Variants in CACNA1A observed in about 807,000 individuals in gnomAD.
CACNA1A encodes the protein voltage-dependent P/Q-type calcium channel subunit alpha-1A.
CACNA1A carries 57 observed loss-of-function variants against 262.4 expected under a neutral mutation model. The ratio of observed to expected loss-of-function variants is 0.22; its 90% CI spans 0.18 to 0.27. The LOEUF is 0.27. CACNA1A is among the 10% of genes least tolerant of loss of function. CACNA1A has a pLI of 1.00. For missense variants in CACNA1A, 2,526 were observed against 3,562.8 expected (o/e 0.71, Z 7.41); for synonymous variants, 1,431 against 1,419.3 (o/e 1.01, Z -0.18).
At position 13,207,886 on chromosome 19, in the gene CACNA1A, C is replaced by A; in HGVS notation, c.6948G>T (p.Gln2316His). ...GCTGCTGCTGCTGCTGCTGCTGCTG[C>A]TGCTGCTGCTGCGGGGGCCCCGAGC... is the stretch of plus-strand genomic sequence containing the variant. The part of the protein sequence containing the change: ...AGGSGPPQQQ[Q>H]QQQQQQQQQA... Residue 2316 changes from glutamine (Q) to histidine (H), a missense_variant, in exon 47 of 47, where the codon CAG becomes CAT. Physicochemically the swap from Gln to His is conservative, Grantham distance 24. Coordinates refer to ENST00000360228, the MANE Select transcript of CACNA1A (RefSeq NM_001127222.2). The surrounding 1 kb of genome is among the most constrained non-coding windows in gnomAD (Gnocchi z 5.7). The A allele has an allele frequency of 6.8e-7, 1 of 1,460,404 alleles. No homozygotes were observed. 90.5% of individuals were successfully genotyped at this position (1,460,404 alleles called of 1,614,324 possible).
Position 13,255,266 on chromosome 19 carries a change from G to C in CACNA1A, c.4591-7C>G. 2 of 1,586,570 alleles carry C rather than the reference G, an allele frequency of 1.3e-6. No homozygotes were observed. The highest frequency in any genetic ancestry group is 1.1e-5 in the South Asian group (1 of 88,840). On this transcript the variant is annotated splice_region_variant and splice_polypyrimidine_tract_variant and intron_variant, in intron 28 of 46. Transcript: ENST00000360228. ...CGAAATCAATGCAGGCCCTCTGCGG[G>C]AGAGAGGCCAGTGGTGAGAGCGGCA... is the stretch of plus-strand genomic sequence containing the variant.
At chr19:13,455,243 A>G (rs1257120751) in intron 1 of CACNA1A, 31 bp from the exon 2 acceptor site, 1 of 1,419,854 alleles carries the variant, frequency 7.0e-7, no homozygotes, top group South Asian at 1.1e-5. Flanking sequence ...AATCTTGTTC[A>G]AAGAAAAGAA....
chr19:13,412,982 G>C (rs1411057453), intron 3 of CACNA1A, among the ~76,000 whole-genome samples: 1 of 152,166 alleles, frequency 6.6e-6, no homozygotes, highest in Non-Finnish European at 1.5e-5. Context: ...CAGGTGTGGG[G>C]GCTCACGCCT....
At chr19:13,455,785 G>A (rs1033249058) in intron 1 of CACNA1A, among the ~76,000 whole-genome samples, 4 of 150,494 alleles carry the variant, frequency 2.7e-5, no homozygotes, top group Admixed American at 6.7e-5. Flanking sequence ...CGAGAGAATT[G>A]CTTGAGCCGA....
chr19:13,212,191 C>T lies in CACNA1A; in HGVS notation c.6215G>A (p.Arg2072Lys), dbSNP rs1363731522. 6.2e-7 allele frequency: 1 copy of T among 1,613,946 alleles called. No homozygotes were observed. Among genetic ancestry groups the T allele is most frequent in the South Asian group, 1.1e-5 (1 of 91,090 alleles). Residue 2072 changes from arginine (R) to lysine (K), a missense_variant, in exon 43 of 47, where the codon AGA becomes AAA. By Grantham distance (26) the Arg-to-Lys change is conservative. Transcript: ENST00000360228. This position sits in a 1 kb window ranked among gnomAD's most constrained non-coding sequence, Gnocchi z 5.6. ...SQSVEMREMG[R>K]DGYSDSEHYL... ...GTGCTCGCTGTCGGAGTAGCCATCT[C>T]TGCCCATCTCTCGCATCTCCACGGA...
At position 13,352,118 on chromosome 19, in the gene CACNA1A, C is replaced by T. The variant is rs117485734; in HGVS notation, c.978+7488G>A. Among the ~76,000 whole-genome samples, 64 of 152,266 alleles carry T rather than the reference C, an allele frequency of 4.2e-4. 1 individual carries two copies. The East Asian group carries it at 0.011, about 26-fold the overall frequency. On this transcript the variant is annotated intron_variant, in intron 6 of 46. Transcript: ENST00000360228. ...TGACCCGAGACCTTCTTCTTTCTCCCCGCTAACCATTTAGCAAGACAAGTT... is the reference window on the plus strand; with the variant it reads ...TGACCCGAGACCTTCTTCTTTCTCCTCGCTAACCATTTAGCAAGACAAGTT...
intron 3 of CACNA1A, among the ~76,000 whole-genome samples, chr19:13,390,228 C>T (rs1388200960): frequency 2.6e-5 from 4 of 152,118 alleles, no homozygotes; most frequent in Non-Finnish European, 5.9e-5. Flanking sequence ...GCAATCCTGT[C>T]TCAGCCTCCT....
At chr19:13,384,470 G>C (rs573672831) in intron 3 of CACNA1A, among the ~76,000 whole-genome samples, 1 of 152,208 alleles carries the variant, frequency 6.6e-6, no homozygotes, top group Non-Finnish European at 1.5e-5. Context: ...GGCCGAGGCA[G>C]GTGGATCCCC....
At chr19:13,452,097 A>C (rs2060926859) in intron 3 of CACNA1A, 1 of 152,096 alleles carries the variant, frequency 6.6e-6, no homozygotes, top group Non-Finnish European at 1.5e-5. Context: ...AGCCTCCCAA[A>C]GTGCTGAGAT....
At chr19:13,333,112 C>T (rs566069076) in intron 8 of CACNA1A, among the ~76,000 whole-genome samples, 187 bp from the exon 9 acceptor site, 1 of 152,256 alleles carries the variant, frequency 6.6e-6, no homozygotes, top group African/African-American at 2.4e-5. Context: ...GTAGCAATAG[C>T]CAACATTCTC....
chr19:13,359,777 C>G lies in CACNA1A; in HGVS notation c.807G>C (p.Pro269=), dbSNP rs772730357. The change falls in exon 6 of 47, where the codon CCG becomes CCC. Residue 269 remains proline, a synonymous_variant. Transcript: ENST00000360228. ...EGTDDIQGES[P]APCGTEEPAR... ...CGGGCTCTTCTGTCCCACATGGAGC[C>G]GGAGACTCACCCTGAATGTCATCTA... 1.3e-6 allele frequency: 2 copies of G among 1,533,446 alleles called. No individual in the cohort carries two copies. Among genetic ancestry groups the G allele is most frequent in the South Asian group, 1.2e-5 (1 of 80,892 alleles). 95.0% of individuals were successfully genotyped at this position (1,533,446 alleles called of 1,614,324 possible).
At chr19:13,389,969 T>C (rs2059684074) in intron 3 of CACNA1A, among the ~76,000 whole-genome samples, 1 of 151,884 alleles carries the variant, frequency 6.6e-6, no homozygotes, top group South Asian at 2.1e-4. Flanking sequence ...TGCGCCACCA[T>C]GCCTGGCTAA....
At chr19:13,324,220 C>T (rs1051757204) in intron 10 of CACNA1A, among the ~76,000 whole-genome samples, 1 of 151,932 alleles carries the variant, frequency 6.6e-6, no homozygotes, top group Non-Finnish European at 1.5e-5. Context: ...GAAGGTGGTT[C>T]CTGGAGGCTG....
intron 22 of CACNA1A, among the ~76,000 whole-genome samples, chr19:13,281,291 T>G (rs892578674): frequency 1.4e-4 from 21 of 148,068 alleles, no homozygotes; most frequent in African/African-American, 5.0e-4. Context: ...GGTGGGAGGA[T>G]CACTTGAGCC....
intron 2 of CACNA1A, among the ~76,000 whole-genome samples, chr19:13,454,569 A>C: frequency 6.6e-6 from 1 of 151,886 alleles, no homozygotes; most frequent in Non-Finnish European, 1.5e-5. Context: ...ACGGGCTTTC[A>C]CCATGTTGGT....
intron 3 of CACNA1A, among the ~76,000 whole-genome samples, chr19:13,392,111 T>C (rs751015354): frequency 2.0e-5 from 3 of 151,386 alleles, no homozygotes; most frequent in Non-Finnish European, 4.4e-5. Flanking sequence ...CTAAGGAGGC[T>C]GAGGCAGGAC....
rs1002802537 is a variant in CACNA1A, at chr19:13,464,611, C to T, written c.294-9399G>A. Among the ~76,000 whole-genome samples, 4 of 145,430 alleles carry T rather than the reference C, an allele frequency of 2.8e-5. No individual in the cohort carries two copies. In the Admixed American group the frequency reaches 2.8e-4, roughly 10 times the overall value. ...TCGCCCAGGCCAGACTGCAGTGGTG[C>T]TATCTCGGCTCACTGCAAGCTCCGC... On this transcript the variant is annotated intron_variant, in intron 1 of 46. Transcript: ENST00000360228.
intron 1 of CACNA1A, among the ~76,000 whole-genome samples, chr19:13,461,895 G>C (rs923542610): frequency 3.9e-5 from 6 of 152,154 alleles, no homozygotes; most frequent in African/African-American, 1.4e-4. Context: ...CGGAAGTCAG[G>C]ATAGCAGACA....
rs1454728545 is a variant in CACNA1A, at chr19:13,275,815, A to G, written c.3989+35T>C. The G allele has an allele frequency of 2.1e-6, 3 of 1,425,676 alleles. No individual in the cohort carries two copies. In the Admixed American group the frequency reaches 5.1e-5, roughly 24 times the overall value. 88.3% of individuals were successfully genotyped at this position (1,425,676 alleles called of 1,614,324 possible). On this transcript the variant is annotated intron_variant, in intron 24 of 46. Transcript: ENST00000360228. ...GTGGCCCAGGCTGGGGGTTGGGGGA[A>G]AAGAGGCAAGAGGAACCCTTGCGAG...
Sources: gnomAD v4.1 joint callset for allele counts (sites outside exome capture counted in the v4.1 genomes callset) on GRCh38, gnomAD v4.1.1 for gene constraint, Gnocchi (gnomAD v3.1) non-coding constraint, MANE v1.5 for transcripts, NCBI Gene and HGNC (gene_info 2026-07-23, HGNC 2026-07-21) for gene names.